Variants in CENPK observed in about 807,000 individuals in gnomAD.
The protein encoded by CENPK is centromere protein K, also known as SoxLZ/Sox6-binding protein Solt.
CENPK carries 46 observed loss-of-function variants against 40.9 expected under a neutral mutation model. That is an observed-to-expected ratio of 1.13 (90% CI 0.89 to 1.44). The LOEUF (loss-of-function observed/expected upper bound fraction) is 1.44, where lower values mean the gene tolerates loss of function less well. Ranked by LOEUF, CENPK falls within the 40% of genes most tolerant of loss-of-function variation. CENPK has a pLI of 0.00. For synonymous variants in CENPK, 107 were observed against 104.4 expected, an observed-to-expected ratio of 1.02 and a Z score of -0.15; for missense variants, 288 against 303.5, an observed-to-expected ratio of 0.95 and a Z score of 0.38.
At chr5:65,558,009 T>TGAGA (rs1751276357) in intron 2 of CENPK, among the ~76,000 whole-genome samples, 1 of 152,062 alleles carries the variant, frequency 6.6e-6, no homozygotes, top group Admixed American at 6.6e-5. Flanking sequence ...GGAGCTGAGG[T>TGAGA]GAGAGGATCA....
the CENPK span, among the ~76,000 whole-genome samples, chr5:65,512,385 G>A: frequency 3.3e-5 from 5 of 152,090 alleles, no homozygotes; most frequent in African/African-American, 9.7e-5. Context: ...AAATCTTTTT[G>A]TGAAAGTAAG....
At chr5:65,561,953 C>A (rs1309146230) in intron 1 of CENPK, among the ~76,000 whole-genome samples, 2 of 152,090 alleles carry the variant, frequency 1.3e-5, no homozygotes, top group Non-Finnish European at 2.9e-5. Context: ...TGTAGAGCTT[C>A]CATTCTCATG....
chr5:65,538,040 T>C (rs1216466476), intron 6 of CENPK, among the ~76,000 whole-genome samples: 1 of 152,230 alleles, frequency 6.6e-6, no homozygotes, highest in Non-Finnish European at 1.5e-5. Context: ...TAGCAATGTA[T>C]TGCTATTCCA....
the CENPK span, among the ~76,000 whole-genome samples, chr5:65,503,500 A>G: frequency 1.3e-5 from 2 of 152,160 alleles, no homozygotes; most frequent in Admixed American, 6.5e-5. Flanking sequence ...GATAGTTACC[A>G]TACTTTCTCC....
chr5:65,496,396 T>C, the CENPK span, among the ~76,000 whole-genome samples: 1 of 152,112 alleles, frequency 6.6e-6, no homozygotes, highest in Non-Finnish European at 1.5e-5. Context: ...AATAGAAAAA[T>C]TGTTAAAATA....
At chr5:65,507,405 C>A in the CENPK span, among the ~76,000 whole-genome samples, 1 of 152,150 alleles carries the variant, frequency 6.6e-6, no homozygotes, top group Non-Finnish European at 1.5e-5. Context: ...ATTACCCAAA[C>A]AAAAATCAAT....
At chr5:65,501,325 C>CCCA in the CENPK span, among the ~76,000 whole-genome samples, 5 of 151,500 alleles carry the variant, frequency 3.3e-5, no homozygotes, top group African/African-American at 1.2e-4. Context: ...ATTACAGGCA[C>CCCA]CCACCACCAC....
chr5:65,532,349 T>G (rs1745994069), intron 6 of CENPK, among the ~76,000 whole-genome samples: 1 of 152,180 alleles, frequency 6.6e-6, no homozygotes, highest in Admixed American at 6.5e-5. Flanking sequence ...AATAAAAAAT[T>G]ACTATTCTAT....
At chr5:65,534,977 G>A (rs1429458256) in intron 6 of CENPK, among the ~76,000 whole-genome samples, 1 of 152,126 alleles carries the variant, frequency 6.6e-6, no homozygotes, top group Non-Finnish European at 1.5e-5. Context: ...CAGCACTTTG[G>A]GAGGCTGAAG....
At chr5:65,521,351 T>A (rs542707887) in intron 10 of CENPK, 124 bp downstream of exon 10, 73 of 660,670 alleles carry the variant, frequency 1.1e-4, no homozygotes, top group Non-Finnish European at 1.7e-4. Context: ...ACAAATATAT[T>A]TAATAAAGAT....
the CENPK span, among the ~76,000 whole-genome samples, chr5:65,512,357 T>C: frequency 5.9e-5 from 9 of 152,206 alleles, no homozygotes; most frequent in Non-Finnish European, 1.2e-4. Context: ...TCAAACAGCA[T>C]CTTACCATGC....
rs1176885832 is a variant in CENPK, at chr5:65,528,479, C to T, written c.570G>A (p.Leu190=). The change falls in exon 9 of 11, where the codon CTG becomes CTA. Residue 190 remains leucine, a synonymous_variant. Coordinates refer to ENST00000396679, the MANE Select transcript of CENPK (RefSeq NM_022145.5). ...LGEFLEDHFP[L]PDRSVKKKKK... ...TTTTCTTTTTAACACTTCTATCAGG[C>T]AGAGGAAAATGGTCTTCTAGAAACT... The T allele has an allele frequency of 5.0e-6, 8 of 1,603,458 alleles. No individual in the cohort carries two copies. In the Admixed American group the frequency reaches 1.4e-4, roughly 28 times the overall value.
At chr5:65,521,843 C>G (rs1400700853) in intron 9 of CENPK, among the ~76,000 whole-genome samples, 1 of 152,198 alleles carries the variant, frequency 6.6e-6, no homozygotes, top group Non-Finnish European at 1.5e-5. Context: ...CTCAGGTGAT[C>G]TGCCCACATC....
chr5:65,561,311 T>G (rs1371176837), intron 2 of CENPK, 152 bp downstream of exon 2: 1 of 237,020 alleles, frequency 4.2e-6, no homozygotes, highest in Non-Finnish European at 9.0e-6. Context: ...ACCACCAAAA[T>G]ACATTATCAA....
chr5:65,538,345 T>C (rs1412943992), intron 6 of CENPK, among the ~76,000 whole-genome samples: 1 of 152,196 alleles, frequency 6.6e-6, no homozygotes, highest in Non-Finnish European at 1.5e-5. Flanking sequence ...AAACTTACTA[T>C]GAATGCTATG....
At chr5:65,559,115 T>C (rs1440776253) in intron 2 of CENPK, among the ~76,000 whole-genome samples, 1 of 152,188 alleles carries the variant, frequency 6.6e-6, no homozygotes, top group Non-Finnish European at 1.5e-5. Context: ...AATATCTTTA[T>C]TCATATGGAA....
chr5:65,509,174 T>C, the CENPK span, among the ~76,000 whole-genome samples: 1 of 152,208 alleles, frequency 6.6e-6, no homozygotes, highest in Non-Finnish European at 1.5e-5. Flanking sequence ...TCCTGTATAG[T>C]GCATTTGGGT....
chr5:65,518,373 G>T lies in CENPK; in HGVS notation c.*102C>A. On this transcript the variant is annotated 3_prime_UTR_variant, in exon 11 of 11. Transcript: ENST00000396679. The stretch of plus-strand genomic sequence containing the variant: ...TTGCAATAAAAGTAAGATGGCCTAT[G>T]CGCATTAATTTGCAAATAATGTTTT... 2 of 1,134,948 alleles carry T rather than the reference G, an allele frequency of 1.8e-6. No individual in the cohort carries two copies. The highest frequency in any genetic ancestry group is 2.5e-6 in the Non-Finnish European group (2 of 784,486). The allele number at this position is 1,134,948 out of a possible 1,614,324, so 70.3% of individuals were successfully genotyped here.
At chr5:65,556,920 T>A (rs1359943245) in intron 2 of CENPK, among the ~76,000 whole-genome samples, 1 of 152,258 alleles carries the variant, frequency 6.6e-6, no homozygotes, top group Admixed American at 6.5e-5. Flanking sequence ...TGTAGTAGGT[T>A]ATACCATCTA....
Sources: allele counts gnomAD v4.1 joint callset (sites outside exome capture counted in the v4.1 genomes callset), GRCh38; gene constraint gnomAD v4.1.1; transcripts MANE v1.5; gene names NCBI Gene and HGNC (gene_info 2026-07-23, HGNC 2026-07-21).